Variants in WDR18 observed in about 807,000 individuals in gnomAD.
The protein encoded by WDR18 is WD repeat domain 18.
WDR18 carries 33 observed loss-of-function variants against 49.6 expected under a neutral mutation model. That is an observed-to-expected ratio of 0.67 (90% CI 0.50 to 0.89). WDR18 has a LOEUF of 0.89. WDR18 is among the 40% of genes least tolerant of loss of function. The probability of loss-of-function intolerance (pLI) is 0.00; values close to 1 mark genes in which losing one functional copy is unlikely to be tolerated. For missense variants in WDR18, 653 were observed against 593.6 expected (o/e 1.10, Z -1.04); for synonymous variants, 315 against 263.6 (o/e 1.19, Z -1.89).
In WDR18 at chr19:984,400, C is replaced by G. The variant is rs568734778; in HGVS notation, c.47C>G (p.Pro16Arg). ...GCCGTGTGTACGGACTCGGCGGCCCCGATGTGGAGCTGCATCGTGTGGGAA... is the reference window on the plus strand; with the variant it reads ...GCCGTGTGTACGGACTCGGCGGCCCGGATGTGGAGCTGCATCGTGTGGGAA... ...EVAVCTDSAA[P>R]MWSCIVWELH... Residue 16 changes from proline (P) to arginine (R), a missense_variant, in exon 1 of 10, where the codon CCG (proline) becomes CGG (arginine). Coordinates refer to ENST00000585809, the MANE Select transcript of WDR18 (RefSeq NM_024100.4). 7.5e-6 allele frequency: 12 copies of G among 1,602,476 alleles called. No homozygotes were observed. In the African/African-American group the frequency reaches 1.2e-4, roughly 16 times the overall value.
Position 991,957 on chromosome 19 carries a change from C to G in WDR18, c.934C>G (p.Pro312Ala). 1.9e-6 allele frequency: 3 copies of G among 1,585,682 alleles called. No homozygotes were observed. Among genetic ancestry groups the G allele is most frequent in the Non-Finnish European group, 2.6e-6 (3 of 1,172,086 alleles). Residue 312 changes from proline to alanine, a missense_variant and splice_region_variant, in exon 8 of 10, where the codon CCA (proline) becomes GCA (alanine). Coordinates refer to ENST00000585809, the MANE Select transcript of WDR18 (RefSeq NM_024100.4). ...GGCCTGACCTCCGCGCCCCCCAGGC[C>G]CAGTCACCAATGCCGCCATCCTGCT... ...QCIRTVALKGPVTNAAILLAP... is the reference protein window; with the variant it reads ...QCIRTVALKGAVTNAAILLAP...
At chr19:988,599 A>G (rs1011386184) in intron 2 of WDR18, among the ~76,000 whole-genome samples, 3 of 152,184 alleles carry the variant, frequency 2.0e-5, no homozygotes, top group Non-Finnish European at 2.9e-5. Flanking sequence ...AGCACGACGC[A>G]CAGGGACTTT....
Position 991,155 on chromosome 19 carries a change from T to C in WDR18, c.806+10T>C. The C allele has an allele frequency of 6.4e-7, 1 of 1,564,838 alleles. No homozygotes were observed. The highest frequency in any genetic ancestry group is 8.7e-7 in the Non-Finnish European group (1 of 1,154,410). On this transcript the variant is annotated intron_variant, in intron 6 of 9. Coordinates refer to ENST00000585809, the MANE Select transcript of WDR18 (RefSeq NM_024100.4). ...TCTTCAAAGGGCACAGGTGGGGACG[T>C]GGGAACGGGGCGGGGGCTCCCAGGC... is the stretch of plus-strand genomic sequence containing the variant.
intron 2 of WDR18, among the ~76,000 whole-genome samples, chr19:987,828 A>ATTTTTTTTTTTTTTTTTTTTTT: frequency 2.1e-5 from 1 of 47,834 alleles, no homozygotes; most frequent in East Asian, 6.3e-4. Context: ...AGCCGCCTCC[A>ATTTTTTTTTTTTTTTTTTTTTT]GTTTTTTTTT....
At chr19:993,917 C>G in intron 8 of WDR18, 103 bp from the exon 9 acceptor site, 1 of 1,341,970 alleles carries the variant, frequency 7.5e-7, no homozygotes, top group South Asian at 1.3e-5. Flanking sequence ...ACGGTGGCCC[C>G]TCCCTGGCTG....
rs914359925 is a variant in WDR18, at chr19:989,830, A to C, written c.390A>C (p.Thr130=). ...AGGACGTCTCCTGCCTTCAGTTCAC[A>C]GGGGACAGCAGCCACTTCATCTCAG... ...HYQDVSCLQF[T]GDSSHFISGG... The change falls in exon 3 of 10, where the codon ACA becomes ACC. Residue 130 remains threonine, a synonymous_variant. Coordinates refer to ENST00000585809, the MANE Select transcript of WDR18 (RefSeq NM_024100.4). 4 of 1,612,554 alleles carry C rather than the reference A, an allele frequency of 2.5e-6. No individual in the cohort carries two copies. Among genetic ancestry groups the C allele is most frequent in the Admixed American group, 3.3e-5 (2 of 59,968 alleles).
chr19:984,205 T>C (rs1319294064), upstream of WDR18: 5 of 863,994 alleles, frequency 5.8e-6, no homozygotes, highest in African/African-American at 3.6e-5. Flanking sequence ...GAAATCCCAC[T>C]TCACAAGAAA....
chr19:993,903 CG>C (rs1280328284), intron 8 of WDR18, 116 bp from the exon 9 acceptor site: 1 of 1,115,266 alleles, frequency 9.0e-7, no homozygotes, highest in African/African-American at 1.6e-5. Context: ...TGTCTGTGGG[CG>C]TCACGGTGGC....
At chr19:991,928 G>A in intron 7 of WDR18, 27 bp from the exon 8 acceptor site, 12 of 1,528,312 alleles carry the variant, frequency 7.9e-6, no homozygotes, top group Non-Finnish European at 9.6e-6. Context: ...CTGGGATGGG[G>A]CGGGGCCTGA....
At position 991,258 on chromosome 19, in the gene WDR18, G is replaced by T; in HGVS notation, c.838G>T (p.Asp280Tyr). Reference sequence around the variant, plus strand: ...GGTGACTTGCCTGTCAGTGTCCACTGACGGCAGCGTGCTGCTCTCAGGCTC... The same window carrying T: ...GGTGACTTGCCTGTCAGTGTCCACTTACGGCAGCGTGCTGCTCTCAGGCTC... ...NQVTCLSVST[D>Y]GSVLLSGSHD... Residue 280 changes from aspartate to tyrosine, a missense_variant, in exon 7 of 10, where the codon GAC (aspartate) becomes TAC (tyrosine). Coordinates refer to ENST00000585809, the MANE Select transcript of WDR18 (RefSeq NM_024100.4). 6.4e-7 allele frequency: 1 copy of T among 1,574,084 alleles called. No individual in the cohort carries two copies. Among genetic ancestry groups the T allele is most frequent in the Non-Finnish European group, 8.6e-7 (1 of 1,158,460 alleles).
At position 990,832 on chromosome 19, in the gene WDR18, C is replaced by T. The variant is rs766574043; in HGVS notation, c.598-20C>T. On this transcript the variant is annotated intron_variant, in intron 4 of 9. Coordinates refer to ENST00000585809, the MANE Select transcript of WDR18 (RefSeq NM_024100.4). ...GTTCCCCCTGCCGGGCCGAGCCCCACGCCCTTTGCCCACCCGCAGCTATGG... is the reference window on the plus strand; with the variant it reads ...GTTCCCCCTGCCGGGCCGAGCCCCATGCCCTTTGCCCACCCGCAGCTATGG... 2.9e-5 allele frequency: 46 copies of T among 1,585,376 alleles called. No homozygotes were observed. In the Admixed American group the frequency reaches 5.8e-4, roughly 20 times the overall value.
At position 994,195 on chromosome 19, in the gene WDR18, C is replaced by T. The variant is rs746067936; in HGVS notation, c.1168-18C>T. On this transcript the variant is annotated intron_variant, in intron 9 of 9. Transcript: ENST00000585809. Reference sequence around the variant, plus strand: ...ACCCCAGGCCACTTCTGCCCTCTGACCCCGACTTCTCCCGCAGAGCGTGCT... The same window carrying T: ...ACCCCAGGCCACTTCTGCCCTCTGATCCCGACTTCTCCCGCAGAGCGTGCT... 4.4e-6 allele frequency: 7 copies of T among 1,588,904 alleles called. No individual in the cohort carries two copies. The highest frequency in any genetic ancestry group is 6.0e-6 in the Non-Finnish European group (7 of 1,170,850).
intron 9 of WDR18, 30 bp downstream of exon 9, chr19:994,118 T>G: frequency 6.5e-7 from 1 of 1,549,830 alleles, no homozygotes; most frequent in Non-Finnish European, 8.7e-7. Flanking sequence ...GGGCGGGGCC[T>G]GAGGCTGGGG....
chr19:986,222 C>T (rs2038473197), intron 2 of WDR18, among the ~76,000 whole-genome samples: 1 of 152,230 alleles, frequency 6.6e-6, no homozygotes, highest in South Asian at 2.1e-4. Context: ...GTCCCCGGCA[C>T]TCACACACCG....
rs1198364088 is a variant in WDR18 at position 992,114 on chromosome 19, A to G, written c.1091A>G (p.His364Arg). ...HGGLTLRLGL[H>R]QQGSEPSYLD... is the part of the protein sequence containing the mutation. Reference sequence around the variant, plus strand: ...GGCCTCACTCTGCGCCTGGGCCTCCACCAGCAGGTACGGCCCCCAGCAGGG... The same window carrying G: ...GGCCTCACTCTGCGCCTGGGCCTCCGCCAGCAGGTACGGCCCCCAGCAGGG... Residue 364 changes from histidine (H) to arginine (R), a missense_variant, in exon 8 of 10, where the codon CAC (histidine) becomes CGC (arginine). His to Arg is a conservative substitution (Grantham distance 29). Coordinates refer to ENST00000585809, the MANE Select transcript of WDR18 (RefSeq NM_024100.4). 1 of 1,482,450 alleles carries G rather than the reference A, an allele frequency of 6.7e-7. No homozygotes were observed. Among genetic ancestry groups the G allele is most frequent in the Non-Finnish European group, 8.9e-7 (1 of 1,121,524 alleles). 91.8% of individuals were successfully genotyped at this position (1,482,450 alleles called of 1,614,324 possible).
At position 994,525 on chromosome 19, in the gene WDR18, T is replaced by C. The variant is rs2038607411; in HGVS notation, c.*181T>C. On this transcript the variant is annotated 3_prime_UTR_variant, in exon 10 of 10. Coordinates refer to ENST00000585809, the MANE Select transcript of WDR18 (RefSeq NM_024100.4). Reference sequence around the variant, plus strand: ...CTCGTGGCACGCGTCACAGTGGTGCTAGTCTGTTTTTAACAAAAGAGGATG... The same window carrying C: ...CTCGTGGCACGCGTCACAGTGGTGCCAGTCTGTTTTTAACAAAAGAGGATG... 4.6e-6 allele frequency: 4 copies of C among 867,744 alleles called. No individual in the cohort carries two copies. In the South Asian group the frequency reaches 7.3e-5, roughly 16 times the overall value. 53.8% of individuals were successfully genotyped at this position (867,744 alleles called of 1,614,324 possible). A position where few individuals can be genotyped will look rare whatever the true frequency, so the allele number is the denominator to read the frequency against.
At position 991,337 on chromosome 19, in the gene WDR18, C is replaced by A; in HGVS notation, c.917C>A (p.Thr306Lys). 1 of 1,540,970 alleles carries A rather than the reference C, an allele frequency of 6.5e-7. No homozygotes were observed. Among genetic ancestry groups the A allele is most frequent in the Non-Finnish European group, 8.8e-7 (1 of 1,141,530 alleles). The change falls in exon 7 of 10, where the codon ACG becomes AAG. Residue 306 changes from threonine (T) to lysine (K), a missense_variant. By Grantham distance (78) the Thr-to-Lys change is moderately conservative. Coordinates refer to ENST00000585809, the MANE Select transcript of WDR18 (RefSeq NM_024100.4). Reference sequence around the variant, plus strand: ...GTGCAGAGCAAGCAGTGCATCCGGACGGTGGCCCTCAAAGGTGGGCGCGCC... The same window carrying A: ...GTGCAGAGCAAGCAGTGCATCCGGAAGGTGGCCCTCAAAGGTGGGCGCGCC... ...WDVQSKQCIR[T>K]VALKGPVTNA... is the part of the protein sequence containing the mutation.
chr19:991,084 G>A lies in WDR18; in HGVS notation c.745G>A (p.Gly249Arg), dbSNP rs760340953. 7 of 1,602,528 alleles carry A rather than the reference G, an allele frequency of 4.4e-6. No homozygotes were observed. The highest frequency in any genetic ancestry group is 3.4e-5 in the Admixed American group (2 of 58,502). Residue 249 changes from glycine (G) to arginine (R), a missense_variant, in exon 6 of 10, where the codon GGA (glycine) becomes AGA (arginine). By Grantham distance (125) the Gly-to-Arg change is moderately radical (BLOSUM62 -2). Coordinates refer to ENST00000585809, the MANE Select transcript of WDR18 (RefSeq NM_024100.4). Reference protein sequence around the residue: ...IFQVDLFTWPGQRERSFHPEQ... With the variant: ...IFQVDLFTWPRQRERSFHPEQ... Reference sequence around the variant, plus strand: ...ACACACGTCTCGGCCTTCGCAGCCCGGACAGAGGGAGAGGAGCTTCCACCC... The same window carrying A: ...ACACACGTCTCGGCCTTCGCAGCCCAGACAGAGGGAGAGGAGCTTCCACCC...
intron 4 of WDR18, 96 bp downstream of exon 4, chr19:990,460 C>T (rs1466256307): frequency 7.1e-7 from 1 of 1,404,264 alleles, no homozygotes; most frequent in Non-Finnish European, 9.3e-7. Context: ...CCGCTCCCTG[C>T]TGTCAGGACT....
Sources: allele counts gnomAD v4.1 joint callset (sites outside exome capture counted in the v4.1 genomes callset), GRCh38; gene constraint gnomAD v4.1.1; transcripts MANE v1.5; gene names NCBI Gene and HGNC (gene_info 2026-07-23, HGNC 2026-07-21).